Variants in PEAK1 observed in about 807,000 individuals in gnomAD.
PEAK1 encodes the protein pseudopodium enriched atypical kinase 1.
In PEAK1, 54 loss-of-function variants were observed where a neutral mutation model predicts 124.7. The ratio of observed to expected loss-of-function variants is 0.43; its 90% CI spans 0.35 to 0.54. The LOEUF (loss-of-function observed/expected upper bound fraction) is 0.54. Among genes scored for constraint, PEAK1 ranks in the 20% least tolerant of loss-of-function variants. The pLI is 0.01. For missense variants in PEAK1, 2,046 were observed against 2,134.5 expected, an observed-to-expected ratio of 0.96 and a Z score of 0.82; for synonymous variants, 719 against 760.0, an observed-to-expected ratio of 0.95 and a Z score of 0.89.
chr15:77,228,209 G>A (rs948442265), intron 6 of PEAK1, among the ~76,000 whole-genome samples: 8 of 151,976 alleles, frequency 5.3e-5, no homozygotes, highest in African/African-American at 1.9e-4. Context: ...TTGGTGTGCT[G>A]CACCCATTAA....
intron 8 of PEAK1, among the ~76,000 whole-genome samples, chr15:77,145,269 T>G (rs1171588481): frequency 6.6e-6 from 1 of 152,036 alleles, no homozygotes; most frequent in Non-Finnish European, 1.5e-5. Context: ...GGCAACATGG[T>G]GAAACCCCAT....
At chr15:77,150,150 T>C (rs752582465) in intron 8 of PEAK1, among the ~76,000 whole-genome samples, 6 of 152,208 alleles carry the variant, frequency 3.9e-5, no homozygotes, top group Admixed American at 6.5e-5. Context: ...AAAGTGATGA[T>C]GTTTTTTTTA....
intron 5 of PEAK1, among the ~76,000 whole-genome samples, chr15:77,253,642 T>C (rs2060988256): frequency 1.3e-5 from 2 of 152,218 alleles, no homozygotes; most frequent in Non-Finnish European, 2.9e-5. Context: ...TCATTGGATA[T>C]TGCATTGTGA....
At chr15:77,190,932 G>A (rs1238236964) in intron 6 of PEAK1, among the ~76,000 whole-genome samples, 1 of 152,098 alleles carries the variant, frequency 6.6e-6, no homozygotes, top group African/African-American at 2.4e-5. Flanking sequence ...CATTAGTTTT[G>A]CAGGGTTTTT....
At chr15:77,368,266 A>G (rs2068392441) in intron 1 of PEAK1, among the ~76,000 whole-genome samples, 1 of 152,220 alleles carries the variant, frequency 6.6e-6, no homozygotes, top group South Asian at 2.1e-4. Flanking sequence ...CTGTAATCCC[A>G]GCAATTTACG....
intron 2 of PEAK1, among the ~76,000 whole-genome samples, chr15:77,356,507 T>C (rs1303280950): frequency 2.0e-5 from 3 of 152,214 alleles, no homozygotes; most frequent in Non-Finnish European, 2.9e-5. Context: ...ATTACATTCA[T>C]AGGTGTATAC....
chr15:77,165,329 G>A (rs2056006097), intron 7 of PEAK1, among the ~76,000 whole-genome samples: 1 of 152,002 alleles, frequency 6.6e-6, no homozygotes, highest in Non-Finnish European at 1.5e-5. Context: ...CAAGTAGCTG[G>A]GACTACAGGT....
chr15:77,236,478 T>C (rs1473408394), intron 6 of PEAK1, among the ~76,000 whole-genome samples: 2 of 152,210 alleles, frequency 1.3e-5, no homozygotes, highest in African/African-American at 4.8e-5. Flanking sequence ...AATGGGTGTA[T>C]TTACCCAATT....
chr15:77,319,273 C>T (rs2065058403), intron 2 of PEAK1, among the ~76,000 whole-genome samples: 2 of 148,518 alleles, frequency 1.3e-5, no homozygotes, highest in Admixed American at 1.3e-4. Flanking sequence ...AAAAAGCGTG[C>T]CCTAGCACCA....
chr15:77,339,066 A>C (rs2066374883), intron 2 of PEAK1, among the ~76,000 whole-genome samples: 1 of 152,026 alleles, frequency 6.6e-6, no homozygotes, highest in Non-Finnish European at 1.5e-5. Context: ...GGAGGGTCTC[A>C]ACTGCATTGA....
intron 7 of PEAK1, among the ~76,000 whole-genome samples, chr15:77,174,576 A>G (rs1262252987): frequency 6.6e-6 from 1 of 152,220 alleles, no homozygotes; most frequent in Non-Finnish European, 1.5e-5. Flanking sequence ...AACTTTTCAA[A>G]AAGTTAAAAA....
intron 5 of PEAK1, 53 bp downstream of exon 5, chr15:77,283,830 T>C (rs1433336855): frequency 1.1e-5 from 10 of 900,420 alleles, no homozygotes. Context: ...CAGGAATAAA[T>C]GAAAACCAAA....
At chr15:77,249,651 G>C (rs1043248791) in intron 6 of PEAK1, among the ~76,000 whole-genome samples, 1 of 152,126 alleles carries the variant, frequency 6.6e-6, no homozygotes, top group Non-Finnish European at 1.5e-5. Flanking sequence ...CTAGGTGGGA[G>C]AATCAGTGCA....
chr15:77,176,881 G>A (rs1041489385), intron 7 of PEAK1, among the ~76,000 whole-genome samples: 1 of 152,172 alleles, frequency 6.6e-6, no homozygotes, highest in Non-Finnish European at 1.5e-5. Context: ...TGTAAGAACT[G>A]TCTACCATTC....
At chr15:77,404,714 A>T (rs1347843731) in intron 1 of PEAK1, 1 of 942,012 alleles carries the variant, frequency 1.1e-6, no homozygotes, top group African/African-American at 1.8e-5. Flanking sequence ...TCATAGGAGA[A>T]GTAGGAGGTA....
rs182757604 is a variant in PEAK1 at position 77,256,901 on chromosome 15, A to G, written c.-274-4375T>C. Among the ~76,000 whole-genome samples, 664 of 70,404 alleles carry G rather than the reference A, an allele frequency of 9.4e-3. 5 individuals carry two copies. Among genetic ancestry groups the G allele is most frequent in the African/African-American group, 0.035 (622 of 17,596 alleles). 46.2% of individuals were successfully genotyped at this position (70,404 alleles called of 152,430 possible). A position where few individuals can be genotyped will look rare whatever the true frequency, so the allele number is the denominator to read the frequency against. ...CTCCCCCCACCCCACAACAGTCCCC[A>G]GAGTGTGATGTTCCCCTTCCTGTGT... is the stretch of plus-strand genomic sequence containing the variant. On this transcript the variant is annotated intron_variant, in intron 5 of 9. Coordinates refer to ENST00000682557, the MANE Select transcript of PEAK1 (RefSeq NM_001385026.1).
At chr15:77,243,341 T>C (rs1303070706) in intron 6 of PEAK1, among the ~76,000 whole-genome samples, 1 of 152,250 alleles carries the variant, frequency 6.6e-6, no homozygotes, top group Non-Finnish European at 1.5e-5. Flanking sequence ...AGCTCCTGTT[T>C]TGAATGCCTA....
chr15:77,180,274 A>T lies in PEAK1; in HGVS notation c.1653T>A (p.Ile551=). 6.2e-7 allele frequency: 1 copy of T among 1,614,118 alleles called. No individual in the cohort carries two copies. The highest frequency in any genetic ancestry group is 8.5e-7 in the Non-Finnish European group (1 of 1,180,012). The change falls in exon 7 of 10, where the codon ATT becomes ATA. Residue 551 remains isoleucine (I), a synonymous_variant. Transcript: ENST00000682557. ...PRQKIPKVEL[I]TSGTGPNVPP... ...GAACATTTGGTCCAGTTCCACTAGT[A>T]ATTAGTTCTACTTTAGGTATCTTTT... is the stretch of plus-strand genomic sequence containing the variant.
At chr15:77,380,207 T>C (rs2069363055) in intron 1 of PEAK1, among the ~76,000 whole-genome samples, 1 of 152,172 alleles carries the variant, frequency 6.6e-6, no homozygotes, top group African/African-American at 2.4e-5. Context: ...AATCGGTCAA[T>C]AGCATGACCT....
Sources: gnomAD v4.1 joint callset for allele counts (sites outside exome capture counted in the v4.1 genomes callset) on GRCh38, gnomAD v4.1.1 for gene constraint, MANE v1.5 for transcripts, NCBI Gene and HGNC (gene_info 2026-07-23, HGNC 2026-07-21) for gene names.